The following KCNIP4 variants were observed in gnomAD, a reference collection of about 807,000 sequenced individuals.
KCNIP4 encodes the protein potassium voltage-gated channel interacting protein 4.
Under a neutral mutation model 34.0 loss-of-function variants are expected in KCNIP4, and 12 were observed. The observed-to-expected ratio is 0.35, with a 90% CI of 0.23 to 0.57. The LOEUF (loss-of-function observed/expected upper bound fraction) is 0.57, where lower values mean the gene tolerates loss of function less well. Ranked by LOEUF, KCNIP4 falls within the 20% of genes least tolerant of loss-of-function variation. The pLI is 0.83. For missense variants in KCNIP4, 238 were observed against 311.7 expected, an observed-to-expected ratio of 0.76 and a Z score of 1.78; for synonymous variants, 124 against 102.2, an observed-to-expected ratio of 1.21 and a Z score of -1.29.
At chr4:21,650,061 A>C (rs922809945) in intron 1 of KCNIP4, among the ~76,000 whole-genome samples, 1 of 152,204 alleles carries the variant, frequency 6.6e-6, no homozygotes, top group Non-Finnish European at 1.5e-5. Context: ...CTCAATCTGC[A>C]TATGTTAATG....
chr4:21,074,939 T>G (rs1463806198), intron 1 of KCNIP4, among the ~76,000 whole-genome samples: 2 of 152,228 alleles, frequency 1.3e-5, no homozygotes, highest in African/African-American at 4.8e-5. Flanking sequence ...TCCATGTAGT[T>G]GAGCAGTTTT....
chr4:21,112,025 G>GTATC (rs34396290), intron 1 of KCNIP4, among the ~76,000 whole-genome samples: 16,417 of 114,584 alleles, frequency 0.14, 880 homozygotes, highest in Middle Eastern at 0.17. Context: ...TCCTTTCTCT[G>GTATC]TATCTATCTA....
chr4:21,860,546 TC>T (rs1323032135), intron 1 of KCNIP4, among the ~76,000 whole-genome samples: 4 of 152,186 alleles, frequency 2.6e-5, no homozygotes, highest in Non-Finnish European at 5.9e-5. Flanking sequence ...TTATTTTATC[TC>T]ACCTAAATAT....
At chr4:20,798,176 AC>A (rs1713725279) in intron 3 of KCNIP4, among the ~76,000 whole-genome samples, 1 of 152,188 alleles carries the variant, frequency 6.6e-6, no homozygotes, top group South Asian at 2.1e-4. Flanking sequence ...CAATTTTATG[AC>A]CCTCACCTTA....
chr4:20,906,685 A>C (rs183533446), intron 1 of KCNIP4, among the ~76,000 whole-genome samples: 16 of 152,202 alleles, frequency 1.1e-4, no homozygotes, highest in African/African-American at 3.9e-4. Context: ...CATATTTTGC[A>C]CATTAGAGCC....
At chr4:21,467,469 C>A (rs2109794684) in intron 1 of KCNIP4, among the ~76,000 whole-genome samples, 1 of 152,206 alleles carries the variant, frequency 6.6e-6, no homozygotes, top group East Asian at 1.9e-4. Context: ...GGAACTGTGG[C>A]AATGGAGCCA....
intron 3 of KCNIP4, among the ~76,000 whole-genome samples, chr4:20,836,097 T>C (rs1384663485): frequency 6.6e-6 from 1 of 152,178 alleles, no homozygotes; most frequent in Non-Finnish European, 1.5e-5. Context: ...AACATAAATT[T>C]GTGTCATTCT....
At chr4:21,316,638 G>A (rs903106225) in intron 1 of KCNIP4, among the ~76,000 whole-genome samples, 19 of 152,192 alleles carry the variant, frequency 1.2e-4, no homozygotes, top group African/African-American at 4.3e-4. Context: ...AATGTGTGAA[G>A]GCTATGTTGA....
chr4:21,206,896 A>T (rs567460738), intron 1 of KCNIP4, among the ~76,000 whole-genome samples: 2 of 152,224 alleles, frequency 1.3e-5, no homozygotes, highest in African/African-American at 4.8e-5. Flanking sequence ...GCTCTTCACC[A>T]TTATAGCTAC....
At chr4:21,561,404 G>A (rs1323579579) in intron 1 of KCNIP4, among the ~76,000 whole-genome samples, 1 of 151,962 alleles carries the variant, frequency 6.6e-6, no homozygotes, top group Non-Finnish European at 1.5e-5. Flanking sequence ...AAAAATAGAA[G>A]GGATGGAACT....
chr4:20,833,490 T>TAAC (rs1463822829), intron 3 of KCNIP4, among the ~76,000 whole-genome samples: 2 of 151,804 alleles, frequency 1.3e-5, no homozygotes, highest in East Asian at 3.9e-4. Flanking sequence ...ATCTCAATAA[T>TAAC]AATAATAATA....
chr4:21,132,850 C>T (rs542788225), intron 1 of KCNIP4, among the ~76,000 whole-genome samples: 25 of 65,330 alleles, frequency 3.8e-4, no homozygotes, highest in African/African-American at 1.4e-3. Flanking sequence ...CTCTACTAAA[C>T]GACAAAAAAA....
chr4:20,915,931 G>T (rs1413438275), intron 1 of KCNIP4, among the ~76,000 whole-genome samples: 1 of 152,060 alleles, frequency 6.6e-6, no homozygotes, highest in African/African-American at 2.4e-5. Flanking sequence ...AGACCTTGGG[G>T]CACATTGGAG....
At chr4:21,029,521 A>G (rs2149761170) in intron 1 of KCNIP4, among the ~76,000 whole-genome samples, 1 of 152,326 alleles carries the variant, frequency 6.6e-6, no homozygotes, top group East Asian at 1.9e-4. Flanking sequence ...TATGGATAAA[A>G]ATGCACTTTA....
intron 1 of KCNIP4, among the ~76,000 whole-genome samples, chr4:21,783,582 C>T (rs193142164): frequency 6.6e-6 from 1 of 151,880 alleles, no homozygotes; most frequent in East Asian, 1.9e-4. Context: ...AAAAGCAAAC[C>T]CAAAGCAGAT....
At chr4:21,522,145 T>C (rs80295682) in intron 1 of KCNIP4, among the ~76,000 whole-genome samples, 12,191 of 152,120 alleles carry the variant, frequency 0.08, 509 homozygotes, top group East Asian at 0.1. Flanking sequence ...TAATATAATA[T>C]GTGTTAGGAT....
chr4:21,302,475 A>C (rs1222274242), intron 1 of KCNIP4, among the ~76,000 whole-genome samples: 2 of 152,232 alleles, frequency 1.3e-5, no homozygotes, highest in Non-Finnish European at 2.9e-5. Context: ...CACATTTGCC[A>C]ACTAAAATAA....
chr4:21,618,630 C>CTTTTTCT lies in KCNIP4; in HGVS notation c.61+329940_61+329941insAGAAAAA, dbSNP rs1280886806. On this transcript the variant is annotated intron_variant, in intron 1 of 8. Coordinates refer to ENST00000382152, the MANE Select transcript of KCNIP4 (RefSeq NM_025221.6). Reference sequence around the variant, plus strand: ...TTCTTTTCTTTTTCTTTTTCTTTTTCTTTTTTTTTTTTTTTTTTTTGAGAG... The same window carrying CTTTTTCT: ...TTCTTTTCTTTTTCTTTTTCTTTTTCTTTTTCTTTTTTTTTTTTTTTTTTTTTGAGAG... Among the ~76,000 whole-genome samples the CTTTTTCT allele has an allele frequency of 2.2e-3, 181 of 81,816 alleles. 1 individual carries two copies. Among genetic ancestry groups the CTTTTTCT allele is most frequent in the African/African-American group, 7.4e-3 (151 of 20,334 alleles). The allele number at this position is 81,816 out of a possible 152,430, so 53.7% of individuals were successfully genotyped here.
chr4:21,757,691 C>T (rs1038439003), intron 1 of KCNIP4, among the ~76,000 whole-genome samples: 1 of 152,132 alleles, frequency 6.6e-6, no homozygotes, highest in Non-Finnish European at 1.5e-5. Flanking sequence ...TCCTTTTTTG[C>T]CCTTGTAAAG....
Sources: allele counts gnomAD v4.1 joint callset (sites outside exome capture counted in the v4.1 genomes callset), GRCh38; gene constraint gnomAD v4.1.1; transcripts MANE v1.5; gene names NCBI Gene and HGNC (gene_info 2026-07-23, HGNC 2026-07-21).